TTC28: variants seen among roughly 807,000 people sequenced by gnomAD.
TTC28 encodes the protein tetratricopeptide repeat domain 28.
In TTC28, 61 loss-of-function variants were observed where a neutral mutation model predicts 198.0. That is an observed-to-expected ratio of 0.31 (90% CI 0.25 to 0.38). The LOEUF (loss-of-function observed/expected upper bound fraction) is 0.38, where lower values mean the gene tolerates loss of function less well. TTC28 is among the 10% of genes least tolerant of loss of function. The pLI is 1.00. For synonymous variants in TTC28, 1,171 were observed against 1,297.8 expected, an observed-to-expected ratio of 0.90 and a Z score of 2.10; for missense variants, 2,678 against 3,164.0, an observed-to-expected ratio of 0.85 and a Z score of 3.69.
At chr22:28,394,947 T>G (rs1439751163) in intron 2 of TTC28, among the ~76,000 whole-genome samples, 1 of 152,088 alleles carries the variant, frequency 6.6e-6, no homozygotes, top group Non-Finnish European at 1.5e-5. Context: ...ACACAAATAC[T>G]ATGACTTCTA....
At chr22:28,179,004 G>A (rs1601434271) in intron 5 of TTC28, among the ~76,000 whole-genome samples, 2 of 152,120 alleles carry the variant, frequency 1.3e-5, no homozygotes, top group Admixed American at 6.5e-5. Flanking sequence ...GTGGGGAAGC[G>A]ACATGACCAT....
intron 5 of TTC28, among the ~76,000 whole-genome samples, chr22:28,168,226 C>T (rs1325196452): frequency 3.3e-5 from 5 of 152,258 alleles, no homozygotes; most frequent in East Asian, 1.9e-4. Flanking sequence ...GAATCAATAT[C>T]GTGAAAATGG....
In TTC28 at chr22:28,529,116, C is replaced by T. The variant is rs1260888399; in HGVS notation, c.381+100436G>A. 2.6e-5 allele frequency among the ~76,000 whole-genome samples: 4 copies of T among 152,272 alleles called. No individual in the cohort carries two copies. The South Asian group carries it at 6.2e-4, about 24-fold the overall frequency. Reference sequence around the variant, plus strand: ...TGAGCCGAAGCAGGGCAGGGCATCGCCTCACCCGGGAAGCGCAAGGGGTTG... The same window carrying T: ...TGAGCCGAAGCAGGGCAGGGCATCGTCTCACCCGGGAAGCGCAAGGGGTTG... On this transcript the variant is annotated intron_variant, in intron 2 of 22. Transcript: ENST00000397906.
chr22:28,134,676 C>A (rs551786836), intron 6 of TTC28, among the ~76,000 whole-genome samples: 1 of 152,232 alleles, frequency 6.6e-6, no homozygotes, highest in South Asian at 2.1e-4. Context: ...TGAACGAAGC[C>A]TCTAAGAAAT....
intron 12 of TTC28, among the ~76,000 whole-genome samples, chr22:28,066,764 G>A (rs1263727038): frequency 2.6e-5 from 4 of 152,112 alleles, no homozygotes; most frequent in African/African-American, 9.7e-5. Flanking sequence ...TTCTGGCCCT[G>A]GCTACAGGGT....
At chr22:28,167,564 A>C (rs1922147496) in intron 5 of TTC28, among the ~76,000 whole-genome samples, 3 of 152,162 alleles carry the variant, frequency 2.0e-5, no homozygotes, top group Non-Finnish European at 2.9e-5. Context: ...GAACCAAAGA[A>C]AAAACCACAT....
chr22:28,481,278 A>T (rs897115688), intron 2 of TTC28, among the ~76,000 whole-genome samples: 9 of 152,214 alleles, frequency 5.9e-5, no homozygotes, highest in African/African-American at 2.2e-4. Context: ...AAGCAGTTAC[A>T]ATCTACATTT....
chr22:28,162,714 C>T (rs765988498), intron 6 of TTC28, among the ~76,000 whole-genome samples: 16 of 152,122 alleles, frequency 1.1e-4, no homozygotes, highest in African/African-American at 3.4e-4. Flanking sequence ...TTTGGAAAGC[C>T]GAGGTGGGAG....
chr22:28,054,250 A>G (rs1940189729), intron 12 of TTC28, among the ~76,000 whole-genome samples: 1 of 152,130 alleles, frequency 6.6e-6, no homozygotes, highest in Non-Finnish European at 1.5e-5. Flanking sequence ...CATGCAGCAG[A>G]TTGCTTGACG....
chr22:28,388,082 C>G (rs1325598459), intron 2 of TTC28, among the ~76,000 whole-genome samples: 2 of 152,152 alleles, frequency 1.3e-5, no homozygotes, highest in African/African-American at 2.4e-5. Context: ...GTTTTCCAAG[C>G]ACCGGTTATT....
intron 12 of TTC28, among the ~76,000 whole-genome samples, chr22:28,047,845 T>A (rs1211137381): frequency 2.0e-5 from 3 of 152,076 alleles, no homozygotes; most frequent in Non-Finnish European, 4.4e-5. Context: ...ATAACAAGAG[T>A]ATATCCTGGG....
rs188058811 is a variant in TTC28 at position 28,674,796 on chromosome 22, G to A, written c.102+4826C>T. On this transcript the variant is annotated intron_variant, in intron 1 of 22. Coordinates refer to ENST00000397906, the MANE Select transcript of TTC28 (RefSeq NM_001145418.2). ...ATCACACCACTGCACTCCAGCCTGG[G>A]CGATGGCGAGACTCTGTCTCCAAAA... 2.3e-3 allele frequency among the ~76,000 whole-genome samples: 350 copies of A among 149,060 alleles called. 2 individuals carry two copies. The highest frequency in any genetic ancestry group is 8.1e-3 in the Admixed American group (121 of 14,854).
chr22:28,386,814 T>A (rs1198726195), intron 2 of TTC28, among the ~76,000 whole-genome samples: 1 of 151,304 alleles, frequency 6.6e-6, no homozygotes, highest in East Asian at 1.9e-4. Context: ...TTCTTATAGT[T>A]TTTTTTTGTT....
chr22:28,361,695 T>C (rs767837071), intron 2 of TTC28, among the ~76,000 whole-genome samples: 1 of 152,246 alleles, frequency 6.6e-6, no homozygotes, highest in Non-Finnish European at 1.5e-5. Flanking sequence ...CAGCCTTCTA[T>C]TGGAAGAGAA....
At chr22:28,231,706 C>G (rs1268382021) in intron 5 of TTC28, among the ~76,000 whole-genome samples, 5 of 152,142 alleles carry the variant, frequency 3.3e-5, no homozygotes, top group African/African-American at 1.2e-4. Context: ...TTAGGAAAGC[C>G]CATGAAAATA....
At position 28,568,235 on chromosome 22, in the gene TTC28, C is replaced by T. The variant is rs532959026; in HGVS notation, c.381+61317G>A. 2.2e-3 allele frequency among the ~76,000 whole-genome samples: 340 copies of T among 152,252 alleles called. 1 individual carries two copies. The highest frequency in any genetic ancestry group is 4.1e-3 in the Non-Finnish European group (281 of 68,022). ...AAGGGGAAAAGAGTTAAATCCTCAT[C>T]TTTCATTGCAGGAAGACATTGGATA... On this transcript the variant is annotated intron_variant, in intron 2 of 22. Coordinates refer to ENST00000397906, the MANE Select transcript of TTC28 (RefSeq NM_001145418.2).
At chr22:28,019,284 C>T (rs548809424) in intron 13 of TTC28, among the ~76,000 whole-genome samples, 25 of 152,194 alleles carry the variant, frequency 1.6e-4, no homozygotes, top group African/African-American at 6.0e-4. Flanking sequence ...ATGATCAATC[C>T]AACTGGAACT....
At chr22:28,661,638 T>C (rs1474984981) in intron 1 of TTC28, among the ~76,000 whole-genome samples, 1 of 151,846 alleles carries the variant, frequency 6.6e-6, no homozygotes, top group African/African-American at 2.4e-5. Context: ...AGACAGAGTC[T>C]CACTCTGTCA....
intron 16 of TTC28, chr22:27,998,148 A>G: frequency 4.3e-6 from 1 of 232,090 alleles, no homozygotes; most frequent in South Asian, 9.1e-5. Context: ...ACAGCTTCAG[A>G]GAGGGTAAGT....
Sources: allele counts gnomAD v4.1 joint callset (sites outside exome capture counted in the v4.1 genomes callset), GRCh38; gene constraint gnomAD v4.1.1; transcripts MANE v1.5; gene names NCBI Gene and HGNC (gene_info 2026-07-23, HGNC 2026-07-21).